FNDC3A: variants seen among roughly 807,000 people sequenced by gnomAD.
FNDC3A encodes the protein fibronectin type III domain containing 3A, also known as fibronectin type-III domain-containing protein 3A.
FNDC3A carries 32 observed loss-of-function variants against 148.9 expected under a neutral mutation model. That is an observed-to-expected ratio of 0.21 (90% CI 0.16 to 0.29). FNDC3A has a LOEUF of 0.29. Among genes scored for constraint, FNDC3A ranks in the 10% least tolerant of loss-of-function variants. The probability of loss-of-function intolerance (pLI) is 1.00; values close to 1 mark genes in which losing one functional copy is unlikely to be tolerated. For missense variants in FNDC3A, 1,191 were observed against 1,452.8 expected (o/e 0.82, Z 2.93); for synonymous variants, 472 against 473.6 (o/e 1.00, Z 0.04).
rs947003904 is a variant in FNDC3A at position 49,088,154 on chromosome 13, ATAAT to A, written c.175+12794_175+12797del. 8.5e-5 allele frequency among the ~76,000 whole-genome samples: 13 copies of A among 152,298 alleles called. No homozygotes were observed. The East Asian group carries it at 1.3e-3, about 16-fold the overall frequency. On this transcript the variant is annotated intron_variant, in intron 3 of 25. Transcript: ENST00000492622. ...ACCATTTTTAACCTTTTATATATGA[ATAAT>A]TAAGGAAACATTCAATTATAATAAA...
intron 3 of FNDC3A, among the ~76,000 whole-genome samples, chr13:49,087,099 T>A (rs1421558744): frequency 6.6e-6 from 1 of 152,144 alleles, no homozygotes; most frequent in East Asian, 1.9e-4. Context: ...GAAATTCAGT[T>A]GTCATCAATT....
intron 11 of FNDC3A, 125 bp from the exon 12 acceptor site, chr13:49,174,310 C>CTTCTCTTGAGATCCATGACTTTTA (rs1884914631): frequency 3.0e-6 from 2 of 673,386 alleles, no homozygotes; most frequent in African/African-American, 3.6e-5. Flanking sequence ...GTATCTCAGC[C>CTTCTCTTGAGATCCATGACTTTTA]TTCTCTTGAG....
chr13:49,162,345 A>G (rs969266640), intron 8 of FNDC3A, among the ~76,000 whole-genome samples: 7 of 151,606 alleles, frequency 4.6e-5, no homozygotes, highest in Non-Finnish European at 8.8e-5. Context: ...TTCTCACTTC[A>G]TTTCATTAAT....
At chr13:49,163,119 C>T (rs536917185) in intron 8 of FNDC3A, among the ~76,000 whole-genome samples, 2 of 152,222 alleles carry the variant, frequency 1.3e-5, no homozygotes, top group African/African-American at 2.4e-5. Context: ...TCTGTCCCTT[C>T]TCGGATCTCA....
chr13:49,208,247 T>C lies in FNDC3A; in HGVS notation c.*852T>C, dbSNP rs1171803237. Reference sequence around the variant, plus strand: ...GGTATACACATACATATATGGCATATAACAAGTGTACACATATACACATAA... The same window carrying C: ...GGTATACACATACATATATGGCATACAACAAGTGTACACATATACACATAA... On this transcript the variant is annotated 3_prime_UTR_variant, in exon 26 of 26. Coordinates refer to ENST00000492622, the MANE Select transcript of FNDC3A (RefSeq NM_001079673.2). 3 of 152,468 alleles carry C rather than the reference T, an allele frequency of 2.0e-5. No homozygotes were observed. Among genetic ancestry groups the C allele is most frequent in the Non-Finnish European group, 4.4e-5 (3 of 68,024 alleles). The allele number at this position is 152,468 out of a possible 1,614,324, so 9.4% of individuals were successfully genotyped here.
chr13:49,075,070 C>T (rs1878003964), intron 2 of FNDC3A, among the ~76,000 whole-genome samples: 1 of 152,084 alleles, frequency 6.6e-6, no homozygotes, highest in Non-Finnish European at 1.5e-5. Context: ...AAGTGTGTCA[C>T]TTTCTTCTTT....
intron 4 of FNDC3A, 108 bp downstream of exon 4, chr13:49,114,839 C>A: frequency 1.2e-6 from 1 of 825,570 alleles, no homozygotes; most frequent in Non-Finnish European, 2.1e-6. Flanking sequence ...TGAGGCTTAC[C>A]AAGTGTTGTG....
intron 2 of FNDC3A, among the ~76,000 whole-genome samples, chr13:49,059,862 A>C (rs1876536365): frequency 1.3e-5 from 2 of 152,230 alleles, no homozygotes; most frequent in Admixed American, 6.5e-5. Context: ...TGGGCAAATG[A>C]CTTGAAAAAC....
chr13:48,985,986 A>C (rs1951783991), intron 1 of FNDC3A, among the ~76,000 whole-genome samples: 3 of 152,108 alleles, frequency 2.0e-5, no homozygotes, highest in Admixed American at 2.0e-4. Flanking sequence ...CGTAATTTTT[A>C]ATAGCACTTC....
At chr13:49,086,922 G>T (rs1399819650) in intron 3 of FNDC3A, among the ~76,000 whole-genome samples, 2 of 152,026 alleles carry the variant, frequency 1.3e-5, no homozygotes, top group Admixed American at 1.3e-4. Context: ...CATAAATTCA[G>T]CCCATTTCAA....
intron 7 of FNDC3A, among the ~76,000 whole-genome samples, chr13:49,144,970 T>C (rs142840975): frequency 9.5e-4 from 144 of 152,340 alleles, no homozygotes; most frequent in African/African-American, 3.2e-3. Context: ...CAGAATAATA[T>C]GTTCATAGGC....
chr13:49,127,270 C>T (rs1315094535), intron 4 of FNDC3A, among the ~76,000 whole-genome samples: 1 of 152,192 alleles, frequency 6.6e-6, no homozygotes, highest in Non-Finnish European at 1.5e-5. Flanking sequence ...TGTAATTTCA[C>T]TCCTGAAAAC....
chr13:49,043,038 C>T (rs139170562), intron 2 of FNDC3A, among the ~76,000 whole-genome samples: 1 of 152,024 alleles, frequency 6.6e-6, no homozygotes, highest in Non-Finnish European at 1.5e-5. Flanking sequence ...TCACTTCAGC[C>T]TTGACCTCCT....
chr13:49,144,031 AC>A (rs1882852360), intron 7 of FNDC3A, among the ~76,000 whole-genome samples: 2 of 150,316 alleles, frequency 1.3e-5, no homozygotes, highest in Non-Finnish European at 1.5e-5. Flanking sequence ...TACTACTACT[AC>A]TAATAATAAT....
At chr13:49,101,596 A>G (rs1166803368) in intron 3 of FNDC3A, among the ~76,000 whole-genome samples, 1 of 150,284 alleles carries the variant, frequency 6.7e-6, no homozygotes, top group Non-Finnish European at 1.5e-5. Context: ...GTTTGCCAGG[A>G]AAAAAAAAAT....
chr13:49,200,617 A>AATAAAGATTCTATTAG (rs1175609562), intron 23 of FNDC3A, among the ~76,000 whole-genome samples: 4 of 152,214 alleles, frequency 2.6e-5, no homozygotes, highest in Admixed American at 2.6e-4. Context: ...AAGATAATAG[A>AATAAAGATTCTATTAG]ATAAAGATTC....
intron 2 of FNDC3A, among the ~76,000 whole-genome samples, chr13:49,049,942 AC>A (rs928385145): frequency 2.0e-5 from 3 of 151,826 alleles, no homozygotes; most frequent in Non-Finnish European, 4.4e-5. Context: ...CTGGTCGTGA[AC>A]TCCTGACCTC....
In FNDC3A at chr13:48,980,259, G is replaced by A. The variant is rs865936518; in HGVS notation, c.-40+4082G>A. Among the ~76,000 whole-genome samples the A allele has an allele frequency of 9.9e-5, 15 of 152,276 alleles. No homozygotes were observed. In the South Asian group the frequency reaches 3.1e-3, roughly 32 times the overall value. On this transcript the variant is annotated intron_variant, in intron 1 of 25. Transcript: ENST00000492622. ...TTGTATAAGGTTAGGTGTATCAACT[G>A]CCTGTGCTGGTTTTACATTTTTAAA...
intron 5 of FNDC3A, among the ~76,000 whole-genome samples, chr13:49,135,161 A>G (rs540059096): frequency 6.6e-6 from 1 of 151,846 alleles, no homozygotes; most frequent in South Asian, 2.1e-4. Context: ...AGCCCCATTC[A>G]TATATTTTCT....
Sources: allele counts gnomAD v4.1 joint callset (sites outside exome capture counted in the v4.1 genomes callset), GRCh38; gene constraint gnomAD v4.1.1; transcripts MANE v1.5; gene names NCBI Gene and HGNC (gene_info 2026-07-23, HGNC 2026-07-21).